The following HMCN1 variants were observed in gnomAD, a reference collection of about 807,000 sequenced individuals.
HMCN1 encodes the protein hemicentin-1.
In HMCN1, 321 loss-of-function variants were observed where a neutral mutation model predicts 625.9. That is an observed-to-expected ratio of 0.51 (90% CI 0.47 to 0.56). The LOEUF (loss-of-function observed/expected upper bound fraction) is 0.56, where lower values mean the gene tolerates loss of function less well. Ranked by LOEUF, HMCN1 falls within the 20% of genes least tolerant of loss-of-function variation. The probability of loss-of-function intolerance (pLI) is 0.00; values close to 1 mark genes in which losing one functional copy is unlikely to be tolerated. For synonymous variants in HMCN1, 2,425 were observed against 2,417.6 expected (o/e 1.00, Z -0.09); for missense variants, 6,588 against 6,887.3 (o/e 0.96, Z 1.54).
intron 1 of HMCN1, among the ~76,000 whole-genome samples, chr1:185,797,681 T>TTCTTTTTATAATGGTGGGTATTGACC (rs1163986176): frequency 5.4e-5 from 8 of 147,596 alleles, no homozygotes; most frequent in African/African-American, 1.9e-4. Context: ...ATAAGACTTG[T>TTCTTTTTATAATGGTGGGTATTGACC]TTTGGCCGGG....
In HMCN1 at chr1:186,078,149, C is replaced by A; in HGVS notation, c.8528C>A (p.Ala2843Asp). Reference sequence around the variant, plus strand: ...ATTCCTCGGGCTAAAGTAGAAGATGCTGGGAGATACACATGTGTGGCTGTG... The same window carrying A: ...ATTCCTCGGGCTAAAGTAGAAGATGATGGGAGATACACATGTGTGGCTGTG... Reference protein sequence around the residue: ...LQIPRAKVEDAGRYTCVAVNE... With the variant: ...LQIPRAKVEDDGRYTCVAVNE... The change falls in exon 55 of 107, where the codon GCT (alanine) becomes GAT (aspartate). Residue 2843 changes from alanine (A) to aspartate (D), a missense_variant. Physicochemically the swap from Ala to Asp is moderately radical, Grantham distance 126. Transcript: ENST00000271588. 1 of 1,613,714 alleles carries A rather than the reference C, an allele frequency of 6.2e-7. No homozygotes were observed. Among genetic ancestry groups the A allele is most frequent in the South Asian group, 1.1e-5 (1 of 91,068 alleles).
chr1:186,036,534 A>G (rs1002280461), intron 36 of HMCN1, among the ~76,000 whole-genome samples: 2 of 152,136 alleles, frequency 1.3e-5, no homozygotes, highest in Admixed American at 6.5e-5. Flanking sequence ...CCCAGCTACA[A>G]TTCAAGATGA....
At chr1:186,078,643 G>C (rs1658973424) in intron 55 of HMCN1, among the ~76,000 whole-genome samples, 1 of 152,182 alleles carries the variant, frequency 6.6e-6, no homozygotes, top group East Asian at 1.9e-4. Flanking sequence ...CATCCTCCTA[G>C]TTCCACATTC....
chr1:185,958,410 C>T (rs1027678339), intron 11 of HMCN1, among the ~76,000 whole-genome samples: 6 of 152,094 alleles, frequency 3.9e-5, no homozygotes, highest in African/African-American at 9.7e-5. Context: ...TGAGCCACCA[C>T]GTACAGGCTG....
intron 5 of HMCN1, among the ~76,000 whole-genome samples, chr1:185,910,583 T>C (rs1666356625): frequency 1.3e-5 from 2 of 151,664 alleles, no homozygotes; most frequent in Admixed American, 1.3e-4. Context: ...TTTTTTTTTT[T>C]TTTTTGACAT....
chr1:186,032,541 C>T (rs1655525733), intron 36 of HMCN1, among the ~76,000 whole-genome samples: 1 of 152,056 alleles, frequency 6.6e-6, no homozygotes, highest in African/African-American at 2.4e-5. Context: ...TTTTCCCCAC[C>T]TTTGCTCTGC....
At chr1:186,068,363 C>T (rs1294139091) in intron 50 of HMCN1, among the ~76,000 whole-genome samples, 5 of 152,010 alleles carry the variant, frequency 3.3e-5, no homozygotes, top group Admixed American at 1.3e-4. Flanking sequence ...AAGTTTAATT[C>T]AAGGTGAGAG....
Position 185,982,245 on chromosome 1 carries a change from GCT to G in HMCN1, c.2663-10_2663-9del. 1 of 1,613,428 alleles carries G rather than the reference GCT, an allele frequency of 6.2e-7. No individual in the cohort carries two copies. Among genetic ancestry groups the G allele is most frequent in the Non-Finnish European group, 8.5e-7 (1 of 1,179,474 alleles). On this transcript the variant is annotated splice_polypyrimidine_tract_variant and intron_variant, in intron 17 of 106. Coordinates refer to ENST00000271588, the MANE Select transcript of HMCN1 (RefSeq NM_031935.3). ...GTGAAATAGAGTTGAAAGTGCCTGT[GCT>G]CTCTCTTGATTTAGTTGCTCCACTT...
At chr1:186,059,281 A>G (rs970464564) in intron 46 of HMCN1, among the ~76,000 whole-genome samples, 3 of 152,050 alleles carry the variant, frequency 2.0e-5, no homozygotes, top group African/African-American at 7.2e-5. Context: ...ACCAAAGCCT[A>G]AACACATTAT....
At chr1:185,967,531 G>A (rs1163362165) in intron 14 of HMCN1, among the ~76,000 whole-genome samples, 1 of 152,026 alleles carries the variant, frequency 6.6e-6, no homozygotes, top group Non-Finnish European at 1.5e-5. Context: ...ATCAATAATA[G>A]GCAGAGCTGC....
chr1:186,118,133 T>G (rs1417176212), intron 77 of HMCN1, among the ~76,000 whole-genome samples: 3 of 152,128 alleles, frequency 2.0e-5, no homozygotes, highest in African/African-American at 7.2e-5. Context: ...TTTTTTATAG[T>G]GGTAGTAACC....
At chr1:185,825,838 TA>T (rs1660480128) in intron 1 of HMCN1, among the ~76,000 whole-genome samples, 15 of 152,252 alleles carry the variant, frequency 9.9e-5, no homozygotes, top group Admixed American at 9.8e-4. Context: ...ATTTCTGTTC[TA>T]AAAGGTTTTT....
At chr1:185,922,806 C>T (rs1009479891) in intron 7 of HMCN1, among the ~76,000 whole-genome samples, 2 of 152,174 alleles carry the variant, frequency 1.3e-5, no homozygotes, top group South Asian at 4.1e-4. Flanking sequence ...TTTATTCTTA[C>T]ACTTACTAAA....
chr1:186,024,708 T>A (rs1194711510), intron 36 of HMCN1, among the ~76,000 whole-genome samples: 1 of 152,200 alleles, frequency 6.6e-6, no homozygotes, highest in African/African-American at 2.4e-5. Flanking sequence ...TCCCACTTCA[T>A]AGACACTAAA....
chr1:185,932,430 T>G (rs1025691061), intron 10 of HMCN1, among the ~76,000 whole-genome samples: 1 of 152,164 alleles, frequency 6.6e-6, no homozygotes, highest in African/African-American at 2.4e-5. Context: ...ATCTTGAATA[T>G]TTGACACACT....
intron 1 of HMCN1, among the ~76,000 whole-genome samples, chr1:185,823,697 G>A (rs1457824071): frequency 6.6e-6 from 1 of 152,060 alleles, no homozygotes; most frequent in Non-Finnish European, 1.5e-5. Context: ...ACAATATCCT[G>A]TTCTGGAAAA....
intron 30 of HMCN1, among the ~76,000 whole-genome samples, chr1:186,009,298 C>T (rs1653837293): frequency 6.6e-6 from 1 of 152,086 alleles, no homozygotes; most frequent in Non-Finnish European, 1.5e-5. Flanking sequence ...CCCCCAGGCA[C>T]CCAGAAAAGA....
At chr1:186,033,484 C>T (rs528869975) in intron 36 of HMCN1, among the ~76,000 whole-genome samples, 1 of 152,162 alleles carries the variant, frequency 6.6e-6, no homozygotes, top group Admixed American at 6.6e-5. Context: ...ATAGCACATC[C>T]TCTTGTATAG....
Position 186,170,575 on chromosome 1 carries a change from G to A in HMCN1, c.15575-762G>A, listed in dbSNP as rs114267766. Among the ~76,000 whole-genome samples the A allele has an allele frequency of 7.7e-3, 1,167 of 152,108 alleles. 9 individuals carry two copies. The highest frequency in any genetic ancestry group is 0.027 in the African/African-American group (1,129 of 41,520). ...ATGCCCATCAGTGATAGACTGGAAG[G>A]ACTTTTAAAATGCATAGGAGGAGGG... On this transcript the variant is annotated intron_variant, in intron 100 of 106. Transcript: ENST00000271588.
Sources: allele counts gnomAD v4.1 joint callset (sites outside exome capture counted in the v4.1 genomes callset), GRCh38; gene constraint gnomAD v4.1.1; transcripts MANE v1.5; gene names NCBI Gene and HGNC (gene_info 2026-07-23, HGNC 2026-07-21).